EPHA6: variants seen among roughly 807,000 people sequenced by gnomAD.
The protein encoded by EPHA6 is ephrin type-A receptor 6.
EPHA6 carries 50 observed loss-of-function variants against 112.0 expected under a neutral mutation model. The observed-to-expected ratio is 0.45, with a 90% CI of 0.36 to 0.56. The LOEUF (loss-of-function observed/expected upper bound fraction) is 0.56. Ranked by LOEUF, EPHA6 falls within the 20% of genes least tolerant of loss-of-function variation. EPHA6 has a pLI of 0.00. For synonymous variants in EPHA6, 529 were observed against 490.7 expected (o/e 1.08, Z -1.03); for missense variants, 1,280 against 1,417.4 (o/e 0.90, Z 1.56).
chr3:97,161,607 G>A (rs150420368), intron 3 of EPHA6, among the ~76,000 whole-genome samples: 247 of 152,240 alleles, frequency 1.6e-3, no homozygotes, highest in Non-Finnish European at 1.6e-3. Context: ...ACAAGGCGCT[G>A]TGCCTTTTTT....
At chr3:97,402,391 T>A in intron 5 of EPHA6, among the ~76,000 whole-genome samples, 1 of 152,128 alleles carries the variant, frequency 6.6e-6, no homozygotes, top group Non-Finnish European at 1.5e-5. Context: ...TCTTTCATCA[T>A]TATATAAATG....
At chr3:97,491,191 G>A (rs1236900056) in intron 10 of EPHA6, among the ~76,000 whole-genome samples, 1 of 152,114 alleles carries the variant, frequency 6.6e-6, no homozygotes, top group Non-Finnish European at 1.5e-5. Flanking sequence ...ATCACACAAG[G>A]ACAGGAATAC....
At chr3:97,610,310 G>C (rs1478275357) in intron 12 of EPHA6, among the ~76,000 whole-genome samples, 3 of 151,552 alleles carry the variant, frequency 2.0e-5, no homozygotes, top group Admixed American at 6.6e-5. Context: ...ATTTCTTTGA[G>C]AGAATTTATG....
At chr3:97,157,028 G>A (rs974243704) in intron 3 of EPHA6, among the ~76,000 whole-genome samples, 1 of 152,124 alleles carries the variant, frequency 6.6e-6, no homozygotes, top group Non-Finnish European at 1.5e-5. Context: ...TATTGAAGAA[G>A]AGTAGAGCTT....
chr3:97,126,732 A>C (rs890696063), intron 3 of EPHA6, among the ~76,000 whole-genome samples: 1 of 150,648 alleles, frequency 6.6e-6, no homozygotes, highest in Non-Finnish European at 1.5e-5. Flanking sequence ...AAAAAAAAAG[A>C]TTTGAAGTAA....
At chr3:97,335,592 C>T (rs540510399) in intron 5 of EPHA6, among the ~76,000 whole-genome samples, 15 of 152,238 alleles carry the variant, frequency 9.9e-5, no homozygotes, top group Admixed American at 3.9e-4. Flanking sequence ...CACCTCAAAA[C>T]TTTTCTAGCC....
chr3:97,469,816 T>G (rs4857060), intron 7 of EPHA6, among the ~76,000 whole-genome samples: 28,708 of 151,496 alleles, frequency 0.19, 4,103 homozygotes, highest in African/African-American at 0.38. Flanking sequence ...AACGTGGATG[T>G]ATTGTGAAGA....
chr3:97,401,330 C>T (rs1577249576), intron 5 of EPHA6, among the ~76,000 whole-genome samples: 2 of 151,576 alleles, frequency 1.3e-5, no homozygotes, highest in Non-Finnish European at 3.0e-5. Flanking sequence ...TGTTGGGAGA[C>T]TTTTTATTAC....
chr3:97,079,754 C>A (rs888023269), intron 3 of EPHA6, among the ~76,000 whole-genome samples: 1 of 151,952 alleles, frequency 6.6e-6, no homozygotes, highest in African/African-American at 2.4e-5. Context: ...ATGCAGCAAA[C>A]TTTATTGTCT....
intron 3 of EPHA6, among the ~76,000 whole-genome samples, chr3:97,106,494 G>A (rs2047573606): frequency 6.6e-6 from 1 of 152,078 alleles, no homozygotes; most frequent in African/African-American, 2.4e-5. Context: ...CCTGACTCCA[G>A]GGGAAAACAA....
intron 10 of EPHA6, among the ~76,000 whole-genome samples, chr3:97,484,662 C>A (rs533561581): frequency 6.6e-6 from 1 of 152,320 alleles, no homozygotes; most frequent in African/African-American, 2.4e-5. Context: ...CTCCAGAATA[C>A]AGATTTATTC....
chr3:96,961,576 C>T (rs1434527206), intron 2 of EPHA6, among the ~76,000 whole-genome samples: 3 of 152,112 alleles, frequency 2.0e-5, no homozygotes, highest in Non-Finnish European at 4.4e-5. Flanking sequence ...TTATAATTTC[C>T]TTTGCTATAG....
chr3:97,680,767 G>A (rs1218944428), intron 14 of EPHA6, among the ~76,000 whole-genome samples: 1 of 152,114 alleles, frequency 6.6e-6, no homozygotes, highest in African/African-American at 2.4e-5. Flanking sequence ...AATGAATGTT[G>A]GGACTTGGAA....
intron 2 of EPHA6, among the ~76,000 whole-genome samples, chr3:96,963,724 G>A (rs1174105080): frequency 6.6e-6 from 1 of 152,124 alleles, no homozygotes; most frequent in Non-Finnish European, 1.5e-5. Flanking sequence ...AAAGTGGTGG[G>A]AATAAATACT....
At chr3:96,899,033 A>C (rs192840903) in intron 2 of EPHA6, among the ~76,000 whole-genome samples, 26 of 149,192 alleles carry the variant, frequency 1.7e-4, no homozygotes, top group Admixed American at 9.7e-4. Context: ...ATCTCAAAAA[A>C]AAAAACAAAA....
intron 4 of EPHA6, among the ~76,000 whole-genome samples, chr3:97,233,049 CT>C (rs1190583745): frequency 6.6e-6 from 1 of 152,120 alleles, no homozygotes; most frequent in Non-Finnish European, 1.5e-5. Context: ...TGGTAAGCAG[CT>C]GATCACCAGC....
intron 14 of EPHA6, among the ~76,000 whole-genome samples, chr3:97,674,102 C>T (rs2031125374): frequency 6.6e-6 from 1 of 152,108 alleles, no homozygotes; most frequent in African/African-American, 2.4e-5. Flanking sequence ...AAAATAAAAA[C>T]TGAAATGATT....
chr3:97,599,027 C>A (rs1282114761), intron 12 of EPHA6, among the ~76,000 whole-genome samples: 3 of 152,098 alleles, frequency 2.0e-5, no homozygotes, highest in Non-Finnish European at 4.4e-5. Context: ...TGATGATGAG[C>A]ATTTTTTCAT....
chr3:97,555,146 G>A (rs968993023), intron 11 of EPHA6, among the ~76,000 whole-genome samples: 9 of 129,198 alleles, frequency 7.0e-5, no homozygotes, highest in African/African-American at 2.7e-4. Flanking sequence ...TGCTCTCATT[G>A]TTCAATTCCC....
Sources: allele counts gnomAD v4.1 joint callset (sites outside exome capture counted in the v4.1 genomes callset), GRCh38; gene constraint gnomAD v4.1.1; transcripts MANE v1.5; gene names NCBI Gene and HGNC (gene_info 2026-07-23, HGNC 2026-07-21).